GPD1: variants seen among roughly 807,000 people sequenced by gnomAD.
GPD1 encodes the protein glycerol-3-phosphate dehydrogenase [NAD(+)], cytoplasmic.
GPD1 carries 19 observed loss-of-function variants against 34.4 expected under a neutral mutation model. The observed-to-expected ratio is 0.55, with a 90% CI of 0.39 to 0.81. GPD1 has a LOEUF of 0.81. Ranked by LOEUF, GPD1 falls within the 30% of genes least tolerant of loss-of-function variation. GPD1 has a pLI of 0.00. For synonymous variants in GPD1, 172 were observed against 174.1 expected, an observed-to-expected ratio of 0.99 and a Z score of 0.09; for missense variants, 429 against 447.0, an observed-to-expected ratio of 0.96 and a Z score of 0.36.
chr12:50,106,781 A>T (rs776184162), intron 4 of GPD1, 24 bp from the exon 5 acceptor site: 1 of 1,328,922 alleles, frequency 7.5e-7, no homozygotes, highest in Non-Finnish European at 1.1e-6. Context: ...CTTCCCTCAA[A>T]GCCTTGCCCC....
intron 5 of GPD1, chr12:50,107,248 A>T (rs1565747599): frequency 1.5e-6 from 1 of 647,730 alleles, no homozygotes; most frequent in Middle Eastern, 2.5e-4. Flanking sequence ...ACACCCAGAC[A>T]GACTAATGGC....
Position 50,109,134 on chromosome 12 carries a change from C to CAA in GPD1, c.954-266_954-265dup, listed in dbSNP as rs34926030. Among the ~76,000 whole-genome samples, 489 of 63,252 alleles carry CAA rather than the reference C, an allele frequency of 7.7e-3. 7 individuals are homozygous for CAA. The highest frequency in any genetic ancestry group is 0.022 in the Middle Eastern group (2 of 92). 41.5% of individuals were successfully genotyped at this position (63,252 alleles called of 152,430 possible). ...TAGGCGACAGAGCGAGAGTCTGTCT[C>CAA]AAAAAAAAAAAAAAAAAAAAAAAAG... On this transcript the variant is annotated intron_variant, in intron 7 of 7. Transcript: ENST00000301149.
intron 1 of GPD1, 188 bp downstream of exon 1, chr12:50,104,279 C>A: frequency 1.4e-6 from 1 of 706,332 alleles, no homozygotes; most frequent in South Asian, 1.6e-5. Context: ...GCAGCTGCAC[C>A]TGTTCACCAT....
intron 2 of GPD1, 134 bp from the exon 3 acceptor site, chr12:50,105,411 CCTT>C: frequency 1.3e-6 from 1 of 770,530 alleles, no homozygotes. Flanking sequence ...CAAGTTCAGT[CCTT>C]CTAGATTCAG....
At chr12:50,109,314 G>T in intron 7 of GPD1, 109 bp from the exon 8 acceptor site, 2 of 684,706 alleles carry the variant, frequency 2.9e-6, no homozygotes, top group Non-Finnish European at 5.4e-6. Context: ...TCCTTCCTGA[G>T]CTCCAAGGTG....
intron 5 of GPD1, chr12:50,107,203 A>G (rs376308917): frequency 1.5e-6 from 1 of 658,114 alleles, no homozygotes; most frequent in Non-Finnish European, 2.8e-6. Flanking sequence ...GGGGACAAGG[A>G]GATGCCCAGG....
Position 50,106,412 on chromosome 12 carries a change from G to T in GPD1, c.485G>T (p.Cys162Phe). Residue 162 changes from cysteine (C) to phenylalanine (F), a missense_variant, in exon 4 of 8, where the codon TGT becomes TTT. Cys to Phe is a radical substitution (Grantham distance 205). Transcript: ENST00000301149. ...AGCGAGGTGGCTGATGAGAAGTTCT[G>T]TGAGACAACCATTGGTGAGAGCCCC... ...IASEVADEKF[C>F]ETTIGCKDPA... 3 of 1,613,918 alleles carry T rather than the reference G, an allele frequency of 1.9e-6. No individual in the cohort carries two copies. The highest frequency in any genetic ancestry group is 2.5e-6 in the Non-Finnish European group (3 of 1,179,928).
intron 2 of GPD1, chr12:50,105,080 G>A (rs555837088): frequency 2.6e-5 from 9 of 343,384 alleles, no homozygotes; most frequent in East Asian, 1.6e-4. Flanking sequence ...GTGAGTAGCC[G>A]ACTTGGAGGC....
intron 2 of GPD1, chr12:50,105,331 C>T: frequency 1.7e-6 from 1 of 587,176 alleles, no homozygotes; most frequent in Non-Finnish European, 3.0e-6. Context: ...CAGGAGTCCT[C>T]AAGAGCCCAG....
chr12:50,106,976 T>C (rs1457320663), intron 5 of GPD1, 59 bp downstream of exon 5: 1 of 1,034,372 alleles, frequency 9.7e-7, no homozygotes, highest in Non-Finnish European at 1.5e-6. Context: ...GAGGTCTGGC[T>C]GAGCTCTGCA....
In GPD1 at chr12:50,104,033, AGGCAGAGACGC is replaced by A. The variant is rs1565746111; in HGVS notation, c.-13_-3del. ...AGGGAGTGTGGCACTGAGCCGGCTC[AGGCAGAGACGC>A]GGCACCATGGCTAGCAAGAAAGTCT... On this transcript the variant is annotated 5_prime_UTR_variant, in exon 1 of 8. Coordinates refer to ENST00000301149, the MANE Select transcript of GPD1 (RefSeq NM_005276.4). 6.2e-7 allele frequency: 1 copy of A among 1,613,788 alleles called. No individual in the cohort carries two copies. Among genetic ancestry groups the A allele is most frequent in the East Asian group, 2.2e-5 (1 of 44,870 alleles).
rs34783513 is a variant in GPD1 at position 50,106,297 on chromosome 12, G to A, written c.370G>A (p.Glu124Lys). ...TCCATCCTGTGCTCAGGGGGTAGAC[G>A]AGGGCCCCAATGGGCTGAAGCTCAT... ...TGISLIKGVD[E>K]GPNGLKLISE... The change falls in exon 4 of 8, where the codon GAG becomes AAG. Residue 124 changes from glutamate (E) to lysine (K), a missense_variant. Transcript: ENST00000301149. The A allele has an allele frequency of 1.8e-3, 2,840 of 1,610,442 alleles. 11 individuals carry two copies. Among genetic ancestry groups the A allele is most frequent in the Middle Eastern group, 4.5e-3 (27 of 6,034 alleles).
At chr12:50,107,918 C>T (rs1950994143) in intron 6 of GPD1, 106 bp from the exon 7 acceptor site, 1 of 1,016,860 alleles carries the variant, frequency 9.8e-7, no homozygotes, top group Admixed American at 1.9e-5. Flanking sequence ...ATCCCCATCC[C>T]TCTTTTCCTC....
chr12:50,108,148 C>T lies in GPD1; in HGVS notation c.953+18C>T, dbSNP rs746473657. 32 of 1,387,892 alleles carry T rather than the reference C, an allele frequency of 2.3e-5. No individual in the cohort carries two copies. The East Asian group carries it at 7.3e-4, about 32-fold the overall frequency. The allele number at this position is 1,387,892 out of a possible 1,614,324, so 86.0% of individuals were successfully genotyped here. ...GTAGACAAGTAAGTATTGGCCACAG[C>T]CCCACTGATTAAGGGAGCCACAGCC... On this transcript the variant is annotated intron_variant, in intron 7 of 7. Coordinates refer to ENST00000301149, the MANE Select transcript of GPD1 (RefSeq NM_005276.4).
At chr12:50,105,477 TCTC>T in intron 2 of GPD1, 68 bp from the exon 3 acceptor site, 1 of 1,508,974 alleles carries the variant, frequency 6.6e-7, no homozygotes, top group South Asian at 1.2e-5. Context: ...GGCTCCCAGA[TCTC>T]CTGAATAGGG....
Position 50,104,441 on chromosome 12 carries a change from G to A in GPD1, c.42-133G>A, listed in dbSNP as rs544974867. The A allele has an allele frequency of 1.0e-3, 775 of 752,790 alleles. 3 individuals are homozygous for A. Among genetic ancestry groups the A allele is most frequent in the Non-Finnish European group, 1.6e-3 (680 of 412,460 alleles). The allele number at this position is 752,790 out of a possible 1,614,324, so 46.6% of individuals were successfully genotyped here. On this transcript the variant is annotated intron_variant, in intron 1 of 7. Coordinates refer to ENST00000301149, the MANE Select transcript of GPD1 (RefSeq NM_005276.4). ...TCACTGGGGACTATTTGTCATGGGA[G>A]TGGAGGTGATAAGGAAGGTAGGTAG...
In GPD1 at chr12:50,106,840, G is replaced by T; in HGVS notation, c.535G>T (p.Glu179Ter). The stretch of plus-strand genomic sequence containing the variant: ...CCCGGCCCAGGGACAACTCCTGAAA[G>T]AGCTGATGCAGACACCAAACTTCCG... ...KDPAQGQLLKELMQTPNFRIT... is the reference protein window; with the variant it reads ...KDPAQGQLLK Residue 179 changes from glutamate to a stop codon, truncating the protein, a stop_gained, in exon 5 of 8, where the codon GAG (glutamate) becomes TAG (stop). Coordinates refer to ENST00000301149, the MANE Select transcript of GPD1 (RefSeq NM_005276.4). LOFTEE classifies it high-confidence loss of function. 6.2e-7 allele frequency: 1 copy of T among 1,611,086 alleles called. No individual in the cohort carries two copies.
rs1446297111 is a variant in GPD1, at chr12:50,111,250, CTG to C, written c.*1734_*1735del. On this transcript the variant is annotated 3_prime_UTR_variant, in exon 8 of 8. Coordinates refer to ENST00000301149, the MANE Select transcript of GPD1 (RefSeq NM_005276.4). The surrounding 1 kb of genome is among the most constrained non-coding windows in gnomAD (Gnocchi z 4.1). ...CTACTTTTGTTCACTCCCCAGTGCA[CTG>C]TGACTCAGGCCTTCCCATCAGGCCT... The C allele has an allele frequency of 2.0e-5, 3 of 152,242 alleles. No individual in the cohort carries two copies. The highest frequency in any genetic ancestry group is 7.2e-5 in the African/African-American group (3 of 41,454). 9.4% of individuals were successfully genotyped at this position (152,242 alleles called of 1,614,324 possible). A position where few individuals can be genotyped will look rare whatever the true frequency, so the allele number is the denominator to read the frequency against.
In GPD1 at chr12:50,106,418, C is replaced by T. The variant is rs765138062; in HGVS notation, c.491C>T (p.Thr164Ile). Residue 164 changes from threonine to isoleucine, a missense_variant, in exon 4 of 8, where the codon ACA becomes ATA. Physicochemically the swap from Thr to Ile is moderately conservative, Grantham distance 89. Transcript: ENST00000301149. ...GTGGCTGATGAGAAGTTCTGTGAGA[C>T]AACCATTGGTGAGAGCCCCCTGGCA... The part of the protein sequence containing the change: ...SEVADEKFCE[T>I]TIGCKDPAQG... 1 of 1,613,712 alleles carries T rather than the reference C, an allele frequency of 6.2e-7. No homozygotes were observed. The highest frequency in any genetic ancestry group is 1.3e-5 in the African/African-American group (1 of 74,870).
Sources: allele counts gnomAD v4.1 joint callset (sites outside exome capture counted in the v4.1 genomes callset), GRCh38; gene constraint gnomAD v4.1.1; non-coding constraint Gnocchi (gnomAD v3.1); transcripts MANE v1.5; gene names NCBI Gene and HGNC (gene_info 2026-07-23, HGNC 2026-07-21).